Variants in IGF2BP3 observed in about 807,000 individuals in gnomAD.
The protein encoded by IGF2BP3 is insulin-like growth factor 2 mRNA-binding protein 3.
IGF2BP3 carries 9 observed loss-of-function variants against 73.8 expected under a neutral mutation model. That is an observed-to-expected ratio of 0.12 (90% CI 0.07 to 0.21). The LOEUF is 0.21. Ranked by LOEUF, IGF2BP3 falls within the 10% of genes least tolerant of loss-of-function variation. The probability of loss-of-function intolerance (pLI) is 1.00; values close to 1 mark genes in which losing one functional copy is unlikely to be tolerated. For missense variants in IGF2BP3, 542 were observed against 714.0 expected (o/e 0.76, Z 2.75); for synonymous variants, 258 against 256.7 (o/e 1.01, Z -0.05).
chr7:23,333,437 T>G (rs1014524411), intron 10 of IGF2BP3, among the ~76,000 whole-genome samples: 3 of 152,216 alleles, frequency 2.0e-5, no homozygotes, highest in South Asian at 2.1e-4. Context: ...GCTGCTGTTG[T>G]GAGAAACAAA....
intron 5 of IGF2BP3, among the ~76,000 whole-genome samples, chr7:23,360,420 G>A (rs1405164768): frequency 2.0e-5 from 3 of 152,100 alleles, no homozygotes. Context: ...TGTGTAAAAG[G>A]AGGAATACAT....
At chr7:23,343,319 C>T (rs1784755710) in intron 9 of IGF2BP3, among the ~76,000 whole-genome samples, 1 of 152,176 alleles carries the variant, frequency 6.6e-6, no homozygotes, top group South Asian at 2.1e-4. Context: ...CTCAGAGAGA[C>T]TGAGTAAATC....
At chr7:23,373,567 A>T (rs916455167) in intron 3 of IGF2BP3, among the ~76,000 whole-genome samples, 13 of 152,252 alleles carry the variant, frequency 8.5e-5, no homozygotes, top group African/African-American at 3.1e-4. Flanking sequence ...GTGTTGACAC[A>T]GATGTGGAAA....
chr7:23,408,190 G>T (rs1013625597), intron 3 of IGF2BP3, among the ~76,000 whole-genome samples: 3 of 152,046 alleles, frequency 2.0e-5, no homozygotes, highest in Non-Finnish European at 4.4e-5. Context: ...AAAAATTGAG[G>T]AAGGGTAAGG....
chr7:23,364,920 C>T (rs1031834806), intron 3 of IGF2BP3, among the ~76,000 whole-genome samples: 1 of 151,766 alleles, frequency 6.6e-6, no homozygotes. Context: ...TAATCCAGCA[C>T]TTTGGGAGGC....
chr7:23,422,013 A>G (rs1248196808), intron 2 of IGF2BP3, among the ~76,000 whole-genome samples: 1 of 152,034 alleles, frequency 6.6e-6, no homozygotes, highest in East Asian at 1.9e-4. Context: ...TCCTGGGCTC[A>G]AGCAGTCCTT....
At chr7:23,320,984 G>C (rs1286705600) in intron 10 of IGF2BP3, among the ~76,000 whole-genome samples, 3 of 145,504 alleles carry the variant, frequency 2.1e-5, no homozygotes, top group Non-Finnish European at 4.5e-5. Flanking sequence ...AAACAAAAAA[G>C]AAAAGAAAGG....
intron 3 of IGF2BP3, chr7:23,394,539 A>G (rs1786388355): frequency 6.6e-6 from 1 of 152,236 alleles, no homozygotes; most frequent in African/African-American, 2.4e-5. Context: ...ATTAAGACTG[A>G]AAATAAATTG....
chr7:23,427,754 TC>T (rs1299719757), intron 2 of IGF2BP3, among the ~76,000 whole-genome samples: 13 of 152,074 alleles, frequency 8.5e-5, no homozygotes, highest in Admixed American at 8.5e-4. Context: ...ACGCCTGTAA[TC>T]CCAGCACTTC....
At chr7:23,378,975 A>C (rs1012027260) in intron 3 of IGF2BP3, among the ~76,000 whole-genome samples, 2 of 152,170 alleles carry the variant, frequency 1.3e-5, no homozygotes, top group Non-Finnish European at 2.9e-5. Flanking sequence ...AGAGGAAAAA[A>C]AGATGCTTAC....
At chr7:23,448,514 CA>C (rs1347771255) in intron 2 of IGF2BP3, among the ~76,000 whole-genome samples, 1 of 152,108 alleles carries the variant, frequency 6.6e-6, no homozygotes, top group Non-Finnish European at 1.5e-5. Flanking sequence ...GCAATCTTCC[CA>C]CCTCAGCCTC....
At chr7:23,314,485 A>G (rs767691430) in intron 12 of IGF2BP3, among the ~76,000 whole-genome samples, 12 of 151,438 alleles carry the variant, frequency 7.9e-5, no homozygotes, top group Admixed American at 1.3e-4. Context: ...CTGCGCCACT[A>G]ATTTTTATAG....
At chr7:23,313,146 C>A (rs1468439581) in intron 13 of IGF2BP3, among the ~76,000 whole-genome samples, 1 of 152,202 alleles carries the variant, frequency 6.6e-6, no homozygotes, top group Non-Finnish European at 1.5e-5. Context: ...AACCCACTTA[C>A]AAGTTATATG....
chr7:23,356,257 G>A (rs1785093391), intron 5 of IGF2BP3, among the ~76,000 whole-genome samples: 1 of 152,138 alleles, frequency 6.6e-6, no homozygotes, highest in Admixed American at 6.5e-5. Flanking sequence ...GTCCCTTTCA[G>A]CTCTAAAATT....
At chr7:23,360,884 C>A (rs1583933720) in intron 5 of IGF2BP3, among the ~76,000 whole-genome samples, 1 of 152,128 alleles carries the variant, frequency 6.6e-6, no homozygotes, top group Admixed American at 6.5e-5. Flanking sequence ...ATATTCTGGG[C>A]AGATCTGTTA....
intron 3 of IGF2BP3, among the ~76,000 whole-genome samples, chr7:23,401,833 C>T (rs1786675451): frequency 1.3e-5 from 2 of 151,958 alleles, no homozygotes. Context: ...GGCACGGTGG[C>T]TGAAACCTGT....
At chr7:23,459,038 AT>A (rs1317551703) in intron 2 of IGF2BP3, among the ~76,000 whole-genome samples, 1 of 152,216 alleles carries the variant, frequency 6.6e-6, no homozygotes, top group Non-Finnish European at 1.5e-5. Flanking sequence ...TCTATGGAGA[AT>A]CCTTTGGTAA....
intron 3 of IGF2BP3, among the ~76,000 whole-genome samples, chr7:23,370,685 T>TTG (rs1554321552): frequency 1.3e-5 from 2 of 149,284 alleles, no homozygotes; most frequent in African/African-American, 4.9e-5. Context: ...GTTTTTTTGT[T>TTG]TTTTTTTTTT....
chr7:23,324,301 A>C (rs1455457715), intron 10 of IGF2BP3, among the ~76,000 whole-genome samples: 56 of 151,844 alleles, frequency 3.7e-4, no homozygotes, highest in African/African-American at 1.2e-3. Context: ...ACCTCTACGC[A>C]AATAAACTAG....
Sources: gnomAD v4.1 joint callset for allele counts (sites outside exome capture counted in the v4.1 genomes callset) on GRCh38, gnomAD v4.1.1 for gene constraint, MANE v1.5 for transcripts, NCBI Gene and HGNC (gene_info 2026-07-23, HGNC 2026-07-21) for gene names.